The following SLC35F3 variants were observed in gnomAD, a reference collection of about 807,000 sequenced individuals.
The protein encoded by SLC35F3 is solute carrier family 35 member F3, also known as putative thiamine transporter SLC35F3.
SLC35F3 carries 25 observed loss-of-function variants against 49.9 expected under a neutral mutation model. The observed-to-expected ratio is 0.50, with a 90% confidence interval of 0.37 to 0.70. SLC35F3 has a LOEUF of 0.70. SLC35F3 is among the 30% of genes least tolerant of loss of function. The pLI is 0.00. For missense variants in SLC35F3, 525 were observed against 639.8 expected, an observed-to-expected ratio of 0.82 and a Z score of 1.94; for synonymous variants, 275 against 265.4, an observed-to-expected ratio of 1.04 and a Z score of -0.35.
intron 3 of SLC35F3, among the ~76,000 whole-genome samples, chr1:234,244,322 C>G (rs958140933): frequency 1.3e-5 from 2 of 152,198 alleles, no homozygotes; most frequent in African/African-American, 4.8e-5. Context: ...TCTTGCTCAC[C>G]TGCATGTCCC....
intron 3 of SLC35F3, among the ~76,000 whole-genome samples, chr1:234,276,405 G>A (rs1245972244): frequency 6.6e-6 from 1 of 152,174 alleles, no homozygotes; most frequent in South Asian, 2.1e-4. Context: ...ACGCAAGGTC[G>A]TGTAGCAGAG....
At chr1:234,112,556 C>CTTTTTTTTTTTT (rs777353110) in intron 2 of SLC35F3, among the ~76,000 whole-genome samples, 23 of 116,362 alleles carry the variant, frequency 2.0e-4, no homozygotes, top group Non-Finnish European at 3.2e-4. Context: ...AATTCACACT[C>CTTTTTTTTTTTT]TTTTTTTTTT....
chr1:234,119,040 C>T (rs555540825), intron 2 of SLC35F3, among the ~76,000 whole-genome samples: 60 of 152,226 alleles, frequency 3.9e-4, no homozygotes, highest in Non-Finnish European at 6.9e-4. Flanking sequence ...GAACCCATCA[C>T]ACCTCTTGAA....
intron 2 of SLC35F3, among the ~76,000 whole-genome samples, chr1:234,143,705 GATGGC>G (rs1457487523): frequency 1.3e-5 from 2 of 152,140 alleles, no homozygotes; most frequent in Non-Finnish European, 2.9e-5. Flanking sequence ...TGTTGACATG[GATGGC>G]ATAAGAAAAG....
intron 2 of SLC35F3, among the ~76,000 whole-genome samples, chr1:233,958,465 A>G (rs1662741303): frequency 6.6e-6 from 1 of 152,212 alleles, no homozygotes; most frequent in Non-Finnish European, 1.5e-5. Flanking sequence ...ATTTATACCT[A>G]TGAGGTCTAT....
At chr1:234,196,053 C>T (rs945781784) in intron 2 of SLC35F3, among the ~76,000 whole-genome samples, 29 of 152,060 alleles carry the variant, frequency 1.9e-4, no homozygotes, top group African/African-American at 7.0e-4. Flanking sequence ...TGGACTAATA[C>T]AAGGTGGGAC....
At chr1:234,227,678 G>A (rs909088066) in intron 2 of SLC35F3, among the ~76,000 whole-genome samples, 4 of 152,054 alleles carry the variant, frequency 2.6e-5, no homozygotes, top group Non-Finnish European at 4.4e-5. Context: ...GATTACAGGC[G>A]TGAGCCACCG....
intron 2 of SLC35F3, among the ~76,000 whole-genome samples, chr1:234,043,540 C>T (rs1444601616): frequency 1.3e-5 from 2 of 152,092 alleles, no homozygotes; most frequent in Non-Finnish European, 2.9e-5. Flanking sequence ...GATCTGTTTC[C>T]ACATTCAACT....
In SLC35F3 at chr1:233,904,996, A is replaced by G. The variant is rs12136133; in HGVS notation, c.-82A>G. 2.7e-6 allele frequency: 4 copies of G among 1,473,598 alleles called. No homozygotes were observed. Among genetic ancestry groups the G allele is most frequent in the Non-Finnish European group, 3.7e-6 (4 of 1,083,388 alleles). 91.3% of individuals were successfully genotyped at this position (1,473,598 alleles called of 1,614,324 possible). On this transcript the variant is annotated 5_prime_UTR_variant, in exon 1 of 8. Coordinates refer to ENST00000366618, the MANE Select transcript of SLC35F3 (RefSeq NM_173508.4). ...GTGGGCAGCGCACTCCAGTCTTCCC[A>G]GGCTAGCGGCTGCAGGGAGCTCCGG...
At chr1:233,908,182 AAAAAC>A (rs1661806886) in intron 2 of SLC35F3, among the ~76,000 whole-genome samples, 3 of 151,988 alleles carry the variant, frequency 2.0e-5, no homozygotes, top group East Asian at 1.9e-4. Flanking sequence ...TGGTTACAAA[AAAAAC>A]AAAACAAAGA....
chr1:234,050,626 A>G (rs1392055757), intron 2 of SLC35F3, among the ~76,000 whole-genome samples: 1 of 152,184 alleles, frequency 6.6e-6, no homozygotes, highest in East Asian at 1.9e-4. Context: ...TGCTGTGCAG[A>G]AGCTCTTTAG....
chr1:234,230,929 A>T (rs1183810231), intron 2 of SLC35F3, among the ~76,000 whole-genome samples: 1 of 152,226 alleles, frequency 6.6e-6, no homozygotes, highest in Non-Finnish European at 1.5e-5. Flanking sequence ...GGGACCTTTT[A>T]GAGGTCAGGA....
intron 2 of SLC35F3, among the ~76,000 whole-genome samples, chr1:233,933,616 C>A (rs1400134971): frequency 6.6e-6 from 1 of 152,024 alleles, no homozygotes; most frequent in Non-Finnish European, 1.5e-5. Flanking sequence ...TTGGGGAGGC[C>A]GAGGCGGGCA....
intron 2 of SLC35F3, among the ~76,000 whole-genome samples, chr1:234,078,014 C>T (rs1664823029): frequency 6.6e-6 from 1 of 152,210 alleles, no homozygotes; most frequent in African/African-American, 2.4e-5. Flanking sequence ...ACCCACTATT[C>T]TCTCCTTGAC....
chr1:234,276,516 G>A (rs747533888), intron 3 of SLC35F3, among the ~76,000 whole-genome samples: 3 of 151,522 alleles, frequency 2.0e-5, no homozygotes, highest in Non-Finnish European at 4.4e-5. Context: ...TATTGTACAT[G>A]GATTCTAACT....
At chr1:234,207,361 C>T (rs890369526) in intron 2 of SLC35F3, among the ~76,000 whole-genome samples, 1 of 32,142 alleles carries the variant, frequency 3.1e-5, no homozygotes, top group African/African-American at 1.3e-4. Context: ...TAATAGACTG[C>T]CTCCATCCTT....
intron 3 of SLC35F3, among the ~76,000 whole-genome samples, chr1:234,267,279 T>C (rs1667999377): frequency 7.9e-6 from 1 of 126,706 alleles, no homozygotes; most frequent in African/African-American, 3.2e-5. Flanking sequence ...TGTCTACTTC[T>C]ATCCACACAG....
At chr1:233,963,822 A>C (rs957801883) in intron 2 of SLC35F3, among the ~76,000 whole-genome samples, 2 of 152,306 alleles carry the variant, frequency 1.3e-5, no homozygotes, top group South Asian at 2.1e-4. Flanking sequence ...GTCATTCACT[A>C]TCACACAATT....
rs886175943 is a variant in SLC35F3 at position 234,046,253 on chromosome 1, G to A, written c.283+140495G>A. On this transcript the variant is annotated intron_variant, in intron 2 of 7. Transcript: ENST00000366618. This position sits in a 1 kb window ranked among gnomAD's most constrained non-coding sequence, Gnocchi z 4.4. The stretch of plus-strand genomic sequence containing the variant: ...TAGAAATGTGTAAGCAGTGTTTAAA[G>A]GCTCACTATTCTATATTCTTACTAA... 4.6e-5 allele frequency among the ~76,000 whole-genome samples: 7 copies of A among 152,122 alleles called. No homozygotes were observed. The highest frequency in any genetic ancestry group is 1.0e-4 in the Non-Finnish European group (7 of 67,992).
Sources: allele counts gnomAD v4.1 joint callset (sites outside exome capture counted in the v4.1 genomes callset), GRCh38; gene constraint gnomAD v4.1.1; non-coding constraint Gnocchi (gnomAD v3.1); transcripts MANE v1.5; gene names NCBI Gene and HGNC (gene_info 2026-07-23, HGNC 2026-07-21).